GPAT3: variants seen among roughly 807,000 people sequenced by gnomAD.
GPAT3 encodes 1-AGP acyltransferase 9.
GPAT3 carries 53 observed loss-of-function variants against 58.8 expected under a neutral mutation model. The ratio of observed to expected loss-of-function variants is 0.90; its 90% CI spans 0.72 to 1.13. The LOEUF (loss-of-function observed/expected upper bound fraction) is 1.13. Among genes scored for constraint, GPAT3 ranks in the 50% most tolerant of loss-of-function variants. The pLI is 0.00. For synonymous variants in GPAT3, 197 were observed against 187.4 expected (o/e 1.05, Z -0.42); for missense variants, 511 against 527.6 (o/e 0.97, Z 0.31).
At chr4:83,597,113 G>C (rs1274778186) in intron 8 of GPAT3, among the ~76,000 whole-genome samples, 200 bp downstream of exon 8, 5 of 152,126 alleles carry the variant, frequency 3.3e-5, no homozygotes, top group Non-Finnish European at 7.4e-5. Context: ...TAATTCAAAA[G>C]TCATTTCTGG....
chr4:83,536,759 T>C lies in GPAT3; in HGVS notation c.137T>C (p.Leu46Ser), dbSNP rs748363470. Residue 46 changes from leucine to serine, a missense_variant, in exon 1 of 12, where the codon TTA (leucine) becomes TCA (serine). Transcript: ENST00000264409. ...EIYMKILVKT[L>S]EWATIRIEKG... is the part of the protein sequence containing the mutation. Reference sequence around the variant, plus strand: ...TACATGAAGATCCTAGTGAAAACTTTAGAGGTGAGTGCCGGGAGGGATGCA... The same window carrying C: ...TACATGAAGATCCTAGTGAAAACTTCAGAGGTGAGTGCCGGGAGGGATGCA... 33 of 1,609,310 alleles carry C rather than the reference T, an allele frequency of 2.1e-5. No individual in the cohort carries two copies. The highest frequency in any genetic ancestry group is 2.7e-5 in the African/African-American group (2 of 74,812).
intron 2 of GPAT3, among the ~76,000 whole-genome samples, chr4:83,562,185 A>ATATATATATATATATAATATATATATAT (rs1725155307): frequency 7.7e-5 from 4 of 52,022 alleles, no homozygotes; most frequent in African/African-American, 4.4e-4. Context: ...TATATTATAT[A>ATATATATATATATATAATATATATATAT]TATATATATA....
At chr4:83,600,996 G>C (rs1404866946) in intron 11 of GPAT3, among the ~76,000 whole-genome samples, 1 of 152,188 alleles carries the variant, frequency 6.6e-6, no homozygotes, top group Non-Finnish European at 1.5e-5. Flanking sequence ...AACTGAGTTA[G>C]GCTGTCAGCC....
intron 2 of GPAT3, among the ~76,000 whole-genome samples, chr4:83,579,035 T>C (rs1224501338): frequency 0.042 from 1,154 of 27,700 alleles, 148 homozygotes; most frequent in African/African-American, 0.12. Context: ...TCTTTCTTTC[T>C]TTCTTTCTTT....
At chr4:83,535,807 G>A (rs1203970030), upstream of GPAT3, 8 of 985,386 alleles carry the variant, frequency 8.1e-6, no homozygotes, top group Non-Finnish European at 9.6e-6. Flanking sequence ...TCCTGTCCTT[G>A]GAAGCCCTTT....
chr4:83,571,684 G>A (rs1407675217), intron 2 of GPAT3, among the ~76,000 whole-genome samples: 2 of 147,680 alleles, frequency 1.4e-5, no homozygotes, highest in African/African-American at 2.5e-5. Flanking sequence ...ATATATATGT[G>A]TATATATATA....
At chr4:83,596,534 T>A (rs537488190) in intron 7 of GPAT3, among the ~76,000 whole-genome samples, 2 of 151,480 alleles carry the variant, frequency 1.3e-5, no homozygotes, top group African/African-American at 4.8e-5. Context: ...AGGAGGGAGG[T>A]TTGCTTGAGC....
chr4:83,587,423 CATT>C (rs369217027), intron 4 of GPAT3, 94 bp downstream of exon 4: 1,065 of 1,086,776 alleles, frequency 9.8e-4, no homozygotes, highest in Non-Finnish European at 1.1e-3. Context: ...CTATGTATTG[CATT>C]ATTATTATTA....
chr4:83,573,696 C>G (rs942821057), intron 2 of GPAT3, among the ~76,000 whole-genome samples: 2 of 152,104 alleles, frequency 1.3e-5, no homozygotes, highest in Admixed American at 6.6e-5. Flanking sequence ...AGGATCTGAG[C>G]CCCTCAGAGG....
chr4:83,588,482 A>G (rs1726471350), intron 5 of GPAT3, among the ~76,000 whole-genome samples, 183 bp downstream of exon 5: 1 of 152,222 alleles, frequency 6.6e-6, no homozygotes, highest in African/African-American at 2.4e-5. Flanking sequence ...GTGTTTGCAG[A>G]AAGAATATAA....
intron 2 of GPAT3, among the ~76,000 whole-genome samples, chr4:83,547,284 GCT>G (rs1428206959): frequency 8.9e-6 from 1 of 112,236 alleles, no homozygotes; most frequent in African/African-American, 3.7e-5. Flanking sequence ...ATGGAGTCTT[GCT>G]CTGTCACCCA....
intron 1 of GPAT3, among the ~76,000 whole-genome samples, chr4:83,542,721 G>A (rs964125423): frequency 6.6e-6 from 1 of 152,164 alleles, no homozygotes; most frequent in African/African-American, 2.4e-5. Context: ...CTCTGGGCTG[G>A]GTGCAGTGGG....
Position 83,536,394 on chromosome 4 carries a change from C to T in GPAT3, c.-229C>T. ...GCGGTGGCTTCAGCCCAGACCTGGGCAGCCAGCGGAGAAAGAGTTAACTGG... is the reference window on the plus strand; with the variant it reads ...GCGGTGGCTTCAGCCCAGACCTGGGTAGCCAGCGGAGAAAGAGTTAACTGG... On this transcript the variant is annotated 5_prime_UTR_variant, in exon 1 of 12. Coordinates refer to ENST00000264409, the MANE Select transcript of GPAT3 (RefSeq NM_032717.5). The T allele has an allele frequency of 1.5e-6, 2 of 1,329,250 alleles. No individual in the cohort carries two copies. The highest frequency in any genetic ancestry group is 1.9e-6 in the Non-Finnish European group (2 of 1,038,940). The allele number at this position is 1,329,250 out of a possible 1,614,324, so 82.3% of individuals were successfully genotyped here.
At chr4:83,598,572 A>C in intron 10 of GPAT3, 72 bp from the exon 11 acceptor site, 1 of 1,216,952 alleles carries the variant, frequency 8.2e-7, no homozygotes, top group Non-Finnish European at 1.2e-6. Flanking sequence ...AAACAAATAC[A>C]AATGATTATG....
chr4:83,547,246 CTTTTTTT>C (rs10618385), intron 2 of GPAT3, among the ~76,000 whole-genome samples: 3 of 82,196 alleles, frequency 3.6e-5, no homozygotes, highest in South Asian at 4.0e-4. Context: ...TTCTACTGCT[CTTTTTTT>C]TTTTTTTTTT....
intron 5 of GPAT3, among the ~76,000 whole-genome samples, chr4:83,589,594 A>AT (rs1726515023): frequency 6.6e-6 from 1 of 152,138 alleles, no homozygotes; most frequent in Non-Finnish European, 1.5e-5. Context: ...ATTATGGTGA[A>AT]TTTTCTCCGT....
intron 2 of GPAT3, among the ~76,000 whole-genome samples, chr4:83,549,757 C>T (rs944295680): frequency 6.8e-6 from 1 of 147,148 alleles, no homozygotes; most frequent in African/African-American, 2.6e-5. Context: ...GAGTCTGGCT[C>T]TGTTGCCCAG....
intron 6 of GPAT3, among the ~76,000 whole-genome samples, chr4:83,592,299 G>A (rs1212917886): frequency 3.3e-5 from 5 of 152,188 alleles, no homozygotes; most frequent in African/African-American, 1.2e-4. Context: ...CCAGTGGGTT[G>A]AGTGTAGAAA....
intron 2 of GPAT3, among the ~76,000 whole-genome samples, chr4:83,558,265 G>A (rs1280592010): frequency 6.6e-6 from 1 of 151,982 alleles, no homozygotes; most frequent in Non-Finnish European, 1.5e-5. Flanking sequence ...AACCATCAGA[G>A]AGTGGGACTG....
Sources: allele counts gnomAD v4.1 joint callset (sites outside exome capture counted in the v4.1 genomes callset), GRCh38; gene constraint gnomAD v4.1.1; transcripts MANE v1.5; gene names NCBI Gene and HGNC (gene_info 2026-07-23, HGNC 2026-07-21).